ERBB4: variants seen among roughly 807,000 people sequenced by gnomAD.
ERBB4 encodes receptor tyrosine-protein kinase erbB-4.
A neutral mutation model predicts 158.0 loss-of-function variants in ERBB4; 42 were observed. The observed-to-expected ratio is 0.27, with a 90% CI of 0.21 to 0.34. The LOEUF is 0.34. ERBB4 is among the 10% of genes least tolerant of loss of function. ERBB4 has a pLI of 1.00. For synonymous variants in ERBB4, 583 were observed against 558.7 expected (o/e 1.04, Z -0.61); for missense variants, 1,333 against 1,624.1 (o/e 0.82, Z 3.08).
chr2:211,575,224 T>C (rs1184091096), intron 19 of ERBB4, among the ~76,000 whole-genome samples: 1 of 152,194 alleles, frequency 6.6e-6, no homozygotes, highest in East Asian at 1.9e-4. Context: ...CTAGTGTCCA[T>C]AGGCATGATC....
At position 211,772,948 on chromosome 2, in the gene ERBB4, TATATA is replaced by T. The variant is rs1329451930; in HGVS notation, c.556+15072_556+15076del. ...ACATATATATATATATATATATATA[TATATA>T]TATTTTTTTTTTTAAAGATGGGGTC... is the stretch of plus-strand genomic sequence containing the variant. On this transcript the variant is annotated intron_variant, in intron 4 of 27. Coordinates refer to ENST00000342788, the MANE Select transcript of ERBB4 (RefSeq NM_005235.3). Among the ~76,000 whole-genome samples the T allele has an allele frequency of 9.1e-4, 76 of 83,436 alleles. 3 individuals carry two copies. Among genetic ancestry groups the T allele is most frequent in the East Asian group, 4.0e-3 (8 of 1,984 alleles). 54.7% of individuals were successfully genotyped at this position (83,436 alleles called of 152,430 possible).
intron 3 of ERBB4, among the ~76,000 whole-genome samples, chr2:211,934,234 T>C (rs2080252544): frequency 6.6e-6 from 1 of 151,954 alleles, no homozygotes; most frequent in African/African-American, 2.4e-5. Flanking sequence ...TTACTGTAGC[T>C]ATAGAAGAAA....
At chr2:212,127,818 C>T (rs2079989446) in intron 1 of ERBB4, among the ~76,000 whole-genome samples, 1 of 151,924 alleles carries the variant, frequency 6.6e-6, no homozygotes, top group South Asian at 2.1e-4. Flanking sequence ...TACCTACAAG[C>T]CAAGGAATGC....
intron 2 of ERBB4, among the ~76,000 whole-genome samples, chr2:212,057,873 G>A (rs1354509708): frequency 6.6e-6 from 1 of 151,946 alleles, no homozygotes; most frequent in Non-Finnish European, 1.5e-5. Context: ...TAAAAGAACT[G>A]GAGAAGCAAG....
intron 20 of ERBB4, among the ~76,000 whole-genome samples, chr2:211,437,045 C>G (rs1032928907): frequency 1.3e-5 from 2 of 152,104 alleles, no homozygotes; most frequent in Admixed American, 6.6e-5. Context: ...TTATTACACA[C>G]CATGGAGGGG....
At chr2:211,869,727 AATATTTTC>A (rs1324198294) in intron 3 of ERBB4, among the ~76,000 whole-genome samples, 1 of 152,146 alleles carries the variant, frequency 6.6e-6, no homozygotes, top group African/African-American at 2.4e-5. Context: ...GTGTCTAAGA[AATATTTTC>A]ATATTCTGAG....
intron 1 of ERBB4, among the ~76,000 whole-genome samples, chr2:212,187,402 C>A (rs2082045311): frequency 7.8e-6 from 1 of 127,548 alleles, no homozygotes. Flanking sequence ...GCACATGTAC[C>A]CTAAAACTTA....
At chr2:212,273,715 G>T (rs569988610) in intron 1 of ERBB4, among the ~76,000 whole-genome samples, 2 of 151,864 alleles carry the variant, frequency 1.3e-5, no homozygotes, top group South Asian at 4.1e-4. Context: ...GATCATAAAA[G>T]TTTTGGATGG....
intron 16 of ERBB4, among the ~76,000 whole-genome samples, chr2:211,646,758 T>C (rs2070793337): frequency 6.6e-6 from 1 of 151,670 alleles, no homozygotes; most frequent in Non-Finnish European, 1.5e-5. Flanking sequence ...TCTGATTATG[T>C]ATTTAACAGT....
intron 23 of ERBB4, among the ~76,000 whole-genome samples, chr2:211,423,059 G>T (rs2063546837): frequency 6.6e-6 from 1 of 151,700 alleles, no homozygotes; most frequent in Non-Finnish European, 1.5e-5. Flanking sequence ...CCCAAACAAA[G>T]CTCAAATGCT....
chr2:212,096,885 C>T (rs572343768), intron 2 of ERBB4, among the ~76,000 whole-genome samples: 1 of 152,180 alleles, frequency 6.6e-6, no homozygotes, highest in African/African-American at 2.4e-5. Context: ...CTTTTGCCTA[C>T]CTCTCTCCTA....
At chr2:212,354,294 G>T (rs1323578788) in intron 1 of ERBB4, among the ~76,000 whole-genome samples, 1 of 152,030 alleles carries the variant, frequency 6.6e-6, no homozygotes, top group Admixed American at 6.6e-5. Context: ...TAGGTCATGT[G>T]ATATTTTTGA....
intron 3 of ERBB4, among the ~76,000 whole-genome samples, chr2:211,806,693 C>A (rs368918731): frequency 2.6e-5 from 4 of 152,002 alleles, no homozygotes; most frequent in African/African-American, 9.6e-5. Flanking sequence ...GGAAATCTGA[C>A]AATAATTGGA....
chr2:212,357,936 T>A (rs2089527201), intron 1 of ERBB4, among the ~76,000 whole-genome samples: 1 of 151,896 alleles, frequency 6.6e-6, no homozygotes, highest in Admixed American at 6.6e-5. Context: ...TCACCCAGAA[T>A]CATCTTTAGA....
chr2:211,660,787 A>C (rs1005768402), intron 15 of ERBB4, among the ~76,000 whole-genome samples: 7 of 152,234 alleles, frequency 4.6e-5, no homozygotes, highest in Non-Finnish European at 8.8e-5. Flanking sequence ...AGGAACCCCA[A>C]CAGTATATGA....
intron 1 of ERBB4, among the ~76,000 whole-genome samples, chr2:212,269,316 G>C (rs73986914): frequency 1.3e-5 from 2 of 151,822 alleles, no homozygotes; most frequent in African/African-American, 4.8e-5. Flanking sequence ...AAATATAGGA[G>C]AGTAGATCAA....
chr2:211,603,605 T>G (rs1446451504), intron 19 of ERBB4, among the ~76,000 whole-genome samples: 2 of 152,224 alleles, frequency 1.3e-5, no homozygotes, highest in African/African-American at 4.8e-5. Flanking sequence ...TCAGGTTGCC[T>G]CTCAAGTTCC....
chr2:212,084,427 C>G (rs1346285438), intron 2 of ERBB4, among the ~76,000 whole-genome samples: 2 of 151,882 alleles, frequency 1.3e-5, no homozygotes, highest in Non-Finnish European at 2.9e-5. Flanking sequence ...GGGATAAGGG[C>G]AATTTCCCTC....
chr2:211,998,990 C>A (rs2076041154), intron 2 of ERBB4, among the ~76,000 whole-genome samples: 1 of 151,656 alleles, frequency 6.6e-6, no homozygotes, highest in African/African-American at 2.4e-5. Flanking sequence ...AAAAAAGTTT[C>A]ATCATATTCC....
Sources: gnomAD v4.1 joint callset for allele counts (sites outside exome capture counted in the v4.1 genomes callset) on GRCh38, gnomAD v4.1.1 for gene constraint, MANE v1.5 for transcripts, NCBI Gene and HGNC (gene_info 2026-07-23, HGNC 2026-07-21) for gene names.